APBA1: variants seen among roughly 807,000 people sequenced by gnomAD.
The protein encoded by APBA1 is amyloid-beta A4 precursor protein-binding family A member 1.
APBA1 carries 55 observed loss-of-function variants against 86.6 expected under a neutral mutation model. The observed-to-expected ratio is 0.64, with a 90% CI of 0.51 to 0.80. The LOEUF is 0.80. Among genes scored for constraint, APBA1 ranks in the 30% least tolerant of loss-of-function variants. The pLI is 0.00. For synonymous variants in APBA1, 511 were observed against 493.9 expected (o/e 1.03, Z -0.46); for missense variants, 1,090 against 1,183.0 (o/e 0.92, Z 1.15).
chr9:69,500,666 G>A (rs998600415), intron 2 of APBA1, among the ~76,000 whole-genome samples: 3 of 152,026 alleles, frequency 2.0e-5, no homozygotes, highest in Non-Finnish European at 4.4e-5. Flanking sequence ...TTAAACTCTG[G>A]TCCACAGCTT....
At position 69,516,828 on chromosome 9, in the gene APBA1, TCCTCGG is replaced by T; in HGVS notation, c.377_382del (p.Ala126_Glu127del). On this transcript the variant is annotated inframe_deletion, in exon 2 of 13. Transcript: ENST00000265381. This position sits in a 1 kb window ranked among gnomAD's most constrained non-coding sequence, Gnocchi z 7.3. Reference sequence around the variant, plus strand: ...CTCGGCCTCTGCCTGCTCCGTGTACTCCTCGGCCTCGGGCCGGTACTGCACAGCATA... The same window carrying T: ...CTCGGCCTCTGCCTGCTCCGTGTACTCCTCGGGCCGGTACTGCACAGCATA... 5 of 1,605,628 alleles carry T rather than the reference TCCTCGG, an allele frequency of 3.1e-6. No individual in the cohort carries two copies. The highest frequency in any genetic ancestry group is 4.2e-6 in the Non-Finnish European group (5 of 1,179,160).
chr9:69,560,589 G>C (rs894196067), intron 1 of APBA1, among the ~76,000 whole-genome samples: 1 of 152,200 alleles, frequency 6.6e-6, no homozygotes, highest in Non-Finnish European at 1.5e-5. Context: ...ATATGGGAAT[G>C]CATGTAAAGT....
At chr9:69,434,726 AG>A (rs1429528060) in intron 11 of APBA1, among the ~76,000 whole-genome samples, 4 of 151,618 alleles carry the variant, frequency 2.6e-5, no homozygotes, top group Admixed American at 2.6e-4. Flanking sequence ...AAAAAAAAAA[AG>A]GCCATGCTAC....
intron 1 of APBA1, among the ~76,000 whole-genome samples, chr9:69,580,933 C>T (rs1821903097): frequency 6.6e-6 from 1 of 152,044 alleles, no homozygotes; most frequent in South Asian, 2.1e-4. Flanking sequence ...TTTTGAAGGC[C>T]CCTGATGGGT....
intron 1 of APBA1, among the ~76,000 whole-genome samples, chr9:69,523,958 A>G (rs189572819): frequency 1.3e-5 from 2 of 152,302 alleles, no homozygotes; most frequent in East Asian, 3.9e-4. Context: ...ATTACATGGA[A>G]ATTAAGCAAC....
intron 1 of APBA1, among the ~76,000 whole-genome samples, chr9:69,587,142 A>G (rs912331258): frequency 4.6e-5 from 7 of 152,194 alleles, no homozygotes; most frequent in African/African-American, 1.7e-4. Context: ...TTAAAGCTTC[A>G]TCCATTCCCA....
At position 69,431,320 on chromosome 9, in the gene APBA1, G is replaced by A; in HGVS notation, c.*7C>T. 1 of 1,597,764 alleles carries A rather than the reference G, an allele frequency of 6.3e-7. No individual in the cohort carries two copies. Among genetic ancestry groups the A allele is most frequent in the African/African-American group, 1.3e-5 (1 of 74,256 alleles). On this transcript the variant is annotated 3_prime_UTR_variant, in exon 13 of 13. Coordinates refer to ENST00000265381, the MANE Select transcript of APBA1 (RefSeq NM_001163.4). ...TCCTCCATGCATGCCACCGCGTGTG[G>A]CCGCGGTCAGATGTAAACAGGCTGC...
chr9:69,434,097 A>G (rs775034662), intron 11 of APBA1, among the ~76,000 whole-genome samples: 4 of 152,198 alleles, frequency 2.6e-5, no homozygotes, highest in African/African-American at 4.8e-5. Context: ...GATCACTCAA[A>G]TACCAAACTG....
intron 1 of APBA1, among the ~76,000 whole-genome samples, chr9:69,549,457 T>A (rs1836751141): frequency 6.6e-6 from 1 of 152,202 alleles, no homozygotes; most frequent in East Asian, 1.9e-4. Flanking sequence ...CCCAAAGTTG[T>A]CTCAAAACCC....
intron 1 of APBA1, among the ~76,000 whole-genome samples, chr9:69,518,132 T>A (rs7850597): frequency 0.82 from 124,844 of 151,938 alleles, 51,398 homozygotes; most frequent in East Asian, 0.91. Flanking sequence ...TAGGGGAAAA[T>A]ATCCAACACA....
rs551192365 is a variant in APBA1, at chr9:69,517,865, C to G, written c.-69-586G>C. Among the ~76,000 whole-genome samples, 17 of 152,204 alleles carry G rather than the reference C, an allele frequency of 1.1e-4. No individual in the cohort carries two copies. In the East Asian group the frequency reaches 2.9e-3, roughly 26 times the overall value. ...TGTGACTGGACTCATTTCCTACATGCAGGATGTTAACAGCTATTATATAGG... is the reference window on the plus strand; with the variant it reads ...TGTGACTGGACTCATTTCCTACATGGAGGATGTTAACAGCTATTATATAGG... On this transcript the variant is annotated intron_variant, in intron 1 of 12. Transcript: ENST00000265381.
intron 1 of APBA1, among the ~76,000 whole-genome samples, chr9:69,560,429 T>C (rs1836930651): frequency 6.6e-6 from 1 of 152,164 alleles, no homozygotes; most frequent in Non-Finnish European, 1.5e-5. Context: ...AGCCCTGAAG[T>C]TATGGAGACC....
intron 1 of APBA1, among the ~76,000 whole-genome samples, chr9:69,665,959 C>A (rs1823834168): frequency 6.6e-6 from 1 of 152,210 alleles, no homozygotes; most frequent in Non-Finnish European, 1.5e-5. Flanking sequence ...TGCTCTCGAA[C>A]TCCTGACCTC....
At chr9:69,599,873 G>A (rs1822312760) in intron 1 of APBA1, among the ~76,000 whole-genome samples, 1 of 152,210 alleles carries the variant, frequency 6.6e-6, no homozygotes, top group African/African-American at 2.4e-5. Context: ...AGGACGATCA[G>A]GAGGCCAAAG....
chr9:69,441,007 G>C lies in APBA1; in HGVS notation c.2290C>G (p.Gln764Glu), dbSNP rs757923807. The C allele has an allele frequency of 6.2e-7, 1 of 1,613,664 alleles. No individual in the cohort carries two copies. The highest frequency in any genetic ancestry group is 8.5e-7 in the Non-Finnish European group (1 of 1,179,894). ...GGTGTTCTACTTACAATTCCATTCT[G>C]GACGCTGAAACCGAGCTGGTAGCGA... ...DLRYQLGFSV[Q>E]NGIICSLMRG... The change falls in exon 11 of 13, where the codon CAG becomes GAG. Residue 764 changes from glutamine to glutamate, a missense_variant. Coordinates refer to ENST00000265381, the MANE Select transcript of APBA1 (RefSeq NM_001163.4).
rs1415609553 is a variant in APBA1, at chr9:69,610,026, A to T, written c.-70+62127T>A. On this transcript the variant is annotated intron_variant, in intron 1 of 12. Transcript: ENST00000265381. ...CTGATTATAAGGCCACCTTAAATAAAGAACCTTGGGGCCAGGTGCAGTGGC... is the reference window on the plus strand; with the variant it reads ...CTGATTATAAGGCCACCTTAAATAATGAACCTTGGGGCCAGGTGCAGTGGC... 2.6e-5 allele frequency among the ~76,000 whole-genome samples: 4 copies of T among 152,306 alleles called. No homozygotes were observed. In the East Asian group the frequency reaches 7.7e-4, roughly 29 times the overall value.
chr9:69,530,975 T>G (rs182535168), intron 1 of APBA1, among the ~76,000 whole-genome samples: 65 of 152,338 alleles, frequency 4.3e-4, no homozygotes, highest in Admixed American at 1.4e-3. Context: ...ACATATGTAA[T>G]TCAAAATTTT....
chr9:69,527,845 T>TA (rs1272210047), intron 1 of APBA1, among the ~76,000 whole-genome samples: 8 of 152,170 alleles, frequency 5.3e-5, no homozygotes, highest in Admixed American at 5.2e-4. Context: ...TCACTTTCAA[T>TA]ATTCTATAAT....
chr9:69,628,259 C>A (rs1315254152), intron 1 of APBA1, among the ~76,000 whole-genome samples: 1 of 152,128 alleles, frequency 6.6e-6, no homozygotes, highest in African/African-American at 2.4e-5. Context: ...CCCAGCCAAG[C>A]CTCAAGATGA....
Sources: gnomAD v4.1 joint callset for allele counts (sites outside exome capture counted in the v4.1 genomes callset) on GRCh38, gnomAD v4.1.1 for gene constraint, Gnocchi (gnomAD v3.1) non-coding constraint, MANE v1.5 for transcripts, NCBI Gene and HGNC (gene_info 2026-07-23, HGNC 2026-07-21) for gene names.